The following ARHGEF10 variants were observed in gnomAD, a reference collection of about 807,000 sequenced individuals.
The protein encoded by ARHGEF10 is Rho guanine nucleotide exchange factor (GEF) 10.
ARHGEF10 carries 140 observed loss-of-function variants against 147.4 expected under a neutral mutation model. The ratio of observed to expected loss-of-function variants is 0.95; its 90% confidence interval spans 0.83 to 1.09. The LOEUF is 1.09. Among genes scored for constraint, ARHGEF10 ranks in the 50% least tolerant of loss-of-function variants. ARHGEF10 has a pLI of 0.00. For synonymous variants in ARHGEF10, 902 were observed against 695.8 expected, an observed-to-expected ratio of 1.30 and a Z score of -4.67; for missense variants, 2,222 against 1,752.7, an observed-to-expected ratio of 1.27 and a Z score of -4.78.
intron 1 of ARHGEF10, among the ~76,000 whole-genome samples, chr8:1,833,173 C>A (rs546686326): frequency 7.5e-6 from 1 of 133,100 alleles, no homozygotes; most frequent in Non-Finnish European, 1.6e-5. Context: ...GAGACAGAAG[C>A]AGAGGGAGGC....
intron 18 of ARHGEF10, among the ~76,000 whole-genome samples, chr8:1,914,671 C>G (rs1329430665): frequency 6.6e-6 from 1 of 152,208 alleles, no homozygotes; most frequent in Non-Finnish European, 1.5e-5. Context: ...CCTCTGTGCT[C>G]CATTGCTGTG....
chr8:1,897,437 C>T lies in ARHGEF10; in HGVS notation c.1557+988C>T, dbSNP rs867187624. ...TGGGCTCTGTCCTAAGGGATCGGAT[C>T]GCAGTTCCCACTCTCGACAGTTGTG... On this transcript the variant is annotated intron_variant, in intron 14 of 28. Coordinates refer to ENST00000349830, the MANE Select transcript of ARHGEF10 (RefSeq NM_014629.4). 2.2e-4 allele frequency among the ~76,000 whole-genome samples: 30 copies of T among 138,636 alleles called. No homozygotes were observed. In the East Asian group the frequency reaches 4.3e-3, roughly 20 times the overall value. The allele number at this position is 138,636 out of a possible 152,430, so 91.0% of individuals were successfully genotyped here. A position where few individuals can be genotyped will look rare whatever the true frequency, so the allele number is the denominator to read the frequency against.
At chr8:1,910,906 G>A (rs1171643055) in intron 18 of ARHGEF10, among the ~76,000 whole-genome samples, 3 of 152,138 alleles carry the variant, frequency 2.0e-5, no homozygotes, top group Non-Finnish European at 4.4e-5. Context: ...TCCATGCAAT[G>A]TTATATTTTC....
intron 26 of ARHGEF10, among the ~76,000 whole-genome samples, chr8:1,943,378 C>G (rs1382737752): frequency 1.3e-5 from 2 of 152,182 alleles, no homozygotes; most frequent in African/African-American, 4.8e-5. Flanking sequence ...TCAGGGAGCT[C>G]TGCAGGTTGG....
Position 1,894,553 on chromosome 8 carries a change from G to A in ARHGEF10, c.1421G>A (p.Gly474Asp). The change falls in exon 13 of 29, where the codon GGC becomes GAC. Residue 474 changes from glycine to aspartate, a missense_variant. Physicochemically the swap from Gly to Asp is moderately conservative, Grantham distance 94. Coordinates refer to ENST00000349830, the MANE Select transcript of ARHGEF10 (RefSeq NM_014629.4). ...VSEWDSVEMI[G>D]DVFVASFSKS... ...GAGTGGGACTCCGTGGAAATGATAG[G>A]CGATGTCTTCGTGGCTTCGGTAATT... 1 of 1,614,134 alleles carries A rather than the reference G, an allele frequency of 6.2e-7. No homozygotes were observed. The highest frequency in any genetic ancestry group is 1.1e-5 in the South Asian group (1 of 91,082).
chr8:1,902,664 C>T (rs1810562650), intron 15 of ARHGEF10, among the ~76,000 whole-genome samples: 1 of 152,130 alleles, frequency 6.6e-6, no homozygotes, highest in African/African-American at 2.4e-5. Context: ...CGTGGCCACG[C>T]AGCCACTGCC....
Position 1,880,094 on chromosome 8 carries a change from T to A in ARHGEF10, c.890T>A (p.Met297Lys). The change falls in exon 9 of 29, where the codon ATG becomes AAG. Residue 297 changes from methionine (M) to lysine (K), a missense_variant. Met to Lys is a moderately conservative substitution (Grantham distance 95, BLOSUM62 -1). Coordinates refer to ENST00000349830, the MANE Select transcript of ARHGEF10 (RefSeq NM_014629.4). ...TTAAAGGAGCACTATGAGAAAAAGA[T>A]GAGAGATTTGATGGCAAGCACGGTG... ...TRLKEHYEKK[M>K]RDLMASTVGV... 6.2e-7 allele frequency: 1 copy of A among 1,614,154 alleles called. No individual in the cohort carries two copies. The highest frequency in any genetic ancestry group is 8.5e-7 in the Non-Finnish European group (1 of 1,180,010).
At chr8:1,877,621 C>T (rs1022797028) in intron 8 of ARHGEF10, among the ~76,000 whole-genome samples, 15 of 149,044 alleles carry the variant, frequency 1.0e-4, no homozygotes, top group South Asian at 4.2e-4. Flanking sequence ...AGCTGTAAGG[C>T]GTGAATTCTG....
intron 18 of ARHGEF10, among the ~76,000 whole-genome samples, chr8:1,916,945 A>G (rs976857267): frequency 6.6e-6 from 1 of 152,244 alleles, no homozygotes; most frequent in Non-Finnish European, 1.5e-5. Context: ...GATCCTGTAT[A>G]GGGAATTTTC....
intron 1 of ARHGEF10, among the ~76,000 whole-genome samples, chr8:1,827,899 G>C (rs993841349): frequency 6.6e-6 from 1 of 152,188 alleles, no homozygotes; most frequent in Non-Finnish European, 1.5e-5. Flanking sequence ...GTGAGGGAGC[G>C]ATGGGGAAGC....
At chr8:1,915,065 G>T (rs920792740) in intron 18 of ARHGEF10, among the ~76,000 whole-genome samples, 2 of 152,110 alleles carry the variant, frequency 1.3e-5, no homozygotes, top group Admixed American at 6.5e-5. Flanking sequence ...ACCACTCTCT[G>T]TGTCCTGTGC....
intron 1 of ARHGEF10, 61 bp from the exon 2 acceptor site, chr8:1,843,292 A>G: frequency 7.5e-7 from 1 of 1,333,256 alleles, no homozygotes; most frequent in Middle Eastern, 1.9e-4. Context: ...ACAGCCCTAC[A>G]CCTATTGAGT....
rs187503580 is a variant in ARHGEF10 at position 1,952,647 on chromosome 8, G to A, written c.3398-58G>A. ...GTGGGGTTTCCAGCACCCCGTCACC[G>A]CCCCACCAACTCTGCTACACAAACC... On this transcript the variant is annotated intron_variant, in intron 27 of 28. Transcript: ENST00000349830. The A allele has an allele frequency of 4.1e-4, 664 of 1,606,878 alleles. 1 individual carries two copies. Among genetic ancestry groups the A allele is most frequent in the Non-Finnish European group, 4.7e-4 (549 of 1,177,860 alleles).
chr8:1,921,586 T>C (rs1812291307), intron 18 of ARHGEF10, among the ~76,000 whole-genome samples: 1 of 151,930 alleles, frequency 6.6e-6, no homozygotes, highest in African/African-American at 2.4e-5. Context: ...ATACACAAAT[T>C]AGCTGGGCAT....
At chr8:1,866,425 AC>A in intron 5 of ARHGEF10, 100 bp from the exon 6 acceptor site, 1 of 83,200 alleles carries the variant, frequency 1.2e-5, no homozygotes, top group South Asian at 1.3e-4. Flanking sequence ...ATATTCTGAC[AC>A]ACACACACAC....
chr8:1,926,839 T>C (rs1812728660), intron 23 of ARHGEF10: 2 of 319,120 alleles, frequency 6.3e-6, no homozygotes, highest in African/African-American at 4.4e-5. Flanking sequence ...CAGTTAAAAT[T>C]AATTTGTTCC....
intron 4 of ARHGEF10, among the ~76,000 whole-genome samples, chr8:1,861,519 T>G (rs1213741363): frequency 2.0e-5 from 3 of 152,218 alleles, no homozygotes; most frequent in Admixed American, 1.3e-4. Flanking sequence ...ATTCCCAGGG[T>G]TCATGGGATG....
At chr8:1,858,297 G>C (rs1171693660) in intron 3 of ARHGEF10, among the ~76,000 whole-genome samples, 182 bp downstream of exon 3, 1 of 151,848 alleles carries the variant, frequency 6.6e-6, no homozygotes, top group Admixed American at 6.6e-5. Context: ...ACCGGCATCA[G>C]GGTCACCTGT....
intron 15 of ARHGEF10, among the ~76,000 whole-genome samples, chr8:1,902,736 C>T (rs1307898355): frequency 2.0e-5 from 3 of 152,150 alleles, no homozygotes; most frequent in African/African-American, 7.2e-5. Flanking sequence ...TTCGGATGAA[C>T]GTTTAGTGAC....
Sources: allele counts gnomAD v4.1 joint callset (sites outside exome capture counted in the v4.1 genomes callset), GRCh38; gene constraint gnomAD v4.1.1; transcripts MANE v1.5; gene names NCBI Gene and HGNC (gene_info 2026-07-23, HGNC 2026-07-21).